EML4: variants seen among roughly 807,000 people sequenced by gnomAD.
EML4 encodes the protein EMAP like 4.
EML4 carries 72 observed loss-of-function variants against 129.0 expected under a neutral mutation model. That is an observed-to-expected ratio of 0.56 (90% CI 0.46 to 0.68). The LOEUF (loss-of-function observed/expected upper bound fraction) is 0.68, where lower values mean the gene tolerates loss of function less well. EML4 is among the 30% of genes least tolerant of loss of function. The pLI is 0.00. For missense variants in EML4, 1,363 were observed against 1,190.6 expected (o/e 1.14, Z -2.13); for synonymous variants, 532 against 405.0 (o/e 1.31, Z -3.77).
At chr2:42,321,110 G>A (rs977665043) in intron 19 of EML4, among the ~76,000 whole-genome samples, 1 of 151,918 alleles carries the variant, frequency 6.6e-6, no homozygotes, top group African/African-American at 2.4e-5. Flanking sequence ...CAGGCCGGGT[G>A]CTGTGGCTCA....
chr2:42,198,064 A>C (rs1006716333), intron 1 of EML4, among the ~76,000 whole-genome samples: 1 of 152,114 alleles, frequency 6.6e-6, no homozygotes, highest in Non-Finnish European at 1.5e-5. Flanking sequence ...TACCTAGTTG[A>C]TAGGGTTGCT....
At chr2:42,264,672 T>C (rs776048462) in intron 5 of EML4, 34 bp from the exon 6 acceptor site, 10 of 1,247,606 alleles carry the variant, frequency 8.0e-6, no homozygotes, top group Non-Finnish European at 1.0e-5. Context: ...TATAAACTTA[T>C]AAAATAAATG....
chr2:42,314,465 C>T (rs1236357264), intron 17 of EML4, among the ~76,000 whole-genome samples: 3 of 152,122 alleles, frequency 2.0e-5, no homozygotes, highest in Non-Finnish European at 4.4e-5. Context: ...CTAATTCTGT[C>T]ATCTACTCAG....
chr2:42,304,429 C>A, intron 16 of EML4, 55 bp from the exon 17 acceptor site: 3 of 1,363,552 alleles, frequency 2.2e-6, no homozygotes, highest in South Asian at 1.2e-5. Flanking sequence ...TTGCTACTGT[C>A]CCCATAGGGA....
chr2:42,218,128 A>G (rs1486227823), intron 1 of EML4, among the ~76,000 whole-genome samples: 1 of 152,160 alleles, frequency 6.6e-6, no homozygotes. Flanking sequence ...GCCGCTCCTC[A>G]TCACTCTCAT....
intron 2 of EML4, among the ~76,000 whole-genome samples, chr2:42,247,368 T>C (rs1675478378): frequency 6.6e-6 from 1 of 152,146 alleles, no homozygotes; most frequent in Non-Finnish European, 1.5e-5. Flanking sequence ...CGTAGACATT[T>C]GAAAGAGATG....
Position 42,282,962 on chromosome 2 carries a change from T to C in EML4, c.931T>C (p.Cys311Arg). The change falls in exon 8 of 23, where the codon TGT (cysteine) becomes CGT (arginine). Residue 311 changes from cysteine to arginine, a missense_variant. Physicochemically the swap from Cys to Arg is radical, Grantham distance 180. Coordinates refer to ENST00000318522, the MANE Select transcript of EML4 (RefSeq NM_019063.5). ...TQRHYLGHTD[C>R]VKCLAIHPDK... is the part of the protein sequence containing the mutation. ...GCGACACTACCTGGGCCATACAGAC[T>C]GTGTGAAATGGTTGGTATCATTTAA... 6.2e-7 allele frequency: 1 copy of C among 1,609,098 alleles called. No homozygotes were observed. Among genetic ancestry groups the C allele is most frequent in the East Asian group, 2.2e-5 (1 of 44,812 alleles).
intron 1 of EML4, among the ~76,000 whole-genome samples, chr2:42,191,531 T>C (rs185785855): frequency 7.6e-4 from 116 of 152,272 alleles, no homozygotes; most frequent in African/African-American, 2.8e-3. Context: ...AACCAATGTT[T>C]AGAAAAATAG....
intron 1 of EML4, among the ~76,000 whole-genome samples, chr2:42,202,015 A>C (rs1672264138): frequency 6.6e-6 from 1 of 151,912 alleles, no homozygotes; most frequent in Non-Finnish European, 1.5e-5. Context: ...CTCGGGGGGC[A>C]GAGGTTGCAG....
chr2:42,324,318 C>T (rs1408305402), intron 19 of EML4, among the ~76,000 whole-genome samples: 1 of 151,632 alleles, frequency 6.6e-6, no homozygotes, highest in Non-Finnish European at 1.5e-5. Context: ...ATCATGTGAC[C>T]AGAAAGCTAG....
chr2:42,192,729 G>A (rs1055573724), intron 1 of EML4, among the ~76,000 whole-genome samples: 2 of 152,100 alleles, frequency 1.3e-5, no homozygotes, highest in Non-Finnish European at 2.9e-5. Context: ...AGAATAACTG[G>A]CTCCCACTAG....
At chr2:42,224,591 A>G (rs1432448065) in intron 1 of EML4, among the ~76,000 whole-genome samples, 1 of 152,056 alleles carries the variant, frequency 6.6e-6, no homozygotes. Context: ...GCTGGATTAT[A>G]TGGTGCCTCT....
chr2:42,225,820 G>A (rs1275361642), intron 1 of EML4, among the ~76,000 whole-genome samples: 6 of 151,928 alleles, frequency 3.9e-5, no homozygotes, highest in Admixed American at 2.0e-4. Flanking sequence ...TCTTACATAT[G>A]TTAATTTTCT....
intron 1 of EML4, among the ~76,000 whole-genome samples, chr2:42,192,866 T>G (rs1367853598): frequency 3.3e-5 from 5 of 152,192 alleles, no homozygotes; most frequent in African/African-American, 1.2e-4. Context: ...CTGAGATTCT[T>G]GGTGCATCTG....
At chr2:42,226,331 T>G (rs910948561) in intron 1 of EML4, among the ~76,000 whole-genome samples, 4 of 152,098 alleles carry the variant, frequency 2.6e-5, no homozygotes, top group African/African-American at 9.6e-5. Context: ...GTTGAAGAGA[T>G]CTATTGTAAA....
chr2:42,197,027 A>G (rs192944094), intron 1 of EML4, among the ~76,000 whole-genome samples: 166 of 152,314 alleles, frequency 1.1e-3, no homozygotes, highest in Admixed American at 3.6e-3. Flanking sequence ...ATGAAAAGCC[A>G]TGCTAGGAAT....
intron 1 of EML4, among the ~76,000 whole-genome samples, chr2:42,213,782 G>GAA: frequency 6.6e-6 from 1 of 152,280 alleles, no homozygotes; most frequent in East Asian, 1.9e-4. Context: ...AAAGATACAA[G>GAA]AATAGTTTAC....
chr2:42,244,961 T>C (rs891197947), intron 1 of EML4, among the ~76,000 whole-genome samples: 3 of 151,996 alleles, frequency 2.0e-5, no homozygotes, highest in Non-Finnish European at 2.9e-5. Flanking sequence ...GTGGGGACAA[T>C]TGTCACCATT....
At chr2:42,192,425 A>G (rs112332286) in intron 1 of EML4, among the ~76,000 whole-genome samples, 2 of 152,038 alleles carry the variant, frequency 1.3e-5, no homozygotes, top group South Asian at 2.1e-4. Context: ...TTTTTAGTAA[A>G]GGCAGGGTTT....
Sources: allele counts gnomAD v4.1 joint callset (sites outside exome capture counted in the v4.1 genomes callset), GRCh38; gene constraint gnomAD v4.1.1; transcripts MANE v1.5; gene names NCBI Gene and HGNC (gene_info 2026-07-23, HGNC 2026-07-21).